HPSE2: variants seen among roughly 807,000 people sequenced by gnomAD.
HPSE2 encodes the protein inactive heparanase-2.
A neutral mutation model predicts 60.5 loss-of-function variants in HPSE2; 38 were observed. The observed-to-expected ratio is 0.63, with a 90% CI of 0.48 to 0.82. HPSE2 has a LOEUF of 0.82. Among genes scored for constraint, HPSE2 ranks in the 40% least tolerant of loss-of-function variants. The pLI is 0.00. For synonymous variants in HPSE2, 295 were observed against 293.2 expected (o/e 1.01, Z -0.06); for missense variants, 713 against 740.4 (o/e 0.96, Z 0.43).
chr10:98,654,674 T>C (rs537322527), intron 6 of HPSE2, among the ~76,000 whole-genome samples: 2 of 152,378 alleles, frequency 1.3e-5, no homozygotes, highest in African/African-American at 4.8e-5. Context: ...CATAGTTAAA[T>C]TCTCCATCTA....
intron 4 of HPSE2, among the ~76,000 whole-genome samples, chr10:98,724,046 A>T (rs540366692): frequency 1.3e-5 from 2 of 151,974 alleles, no homozygotes; most frequent in Non-Finnish European, 2.9e-5. Flanking sequence ...AGTTCTTTTA[A>T]TTGGGATGTT....
At chr10:99,110,641 G>A (rs1365199127) in intron 3 of HPSE2, among the ~76,000 whole-genome samples, 3 of 151,878 alleles carry the variant, frequency 2.0e-5, no homozygotes, top group Admixed American at 6.6e-5. Flanking sequence ...AAATCCTAAC[G>A]ACAGAAGAAA....
chr10:98,538,399 G>T (rs1342585795), intron 9 of HPSE2, among the ~76,000 whole-genome samples: 2 of 152,048 alleles, frequency 1.3e-5, no homozygotes, highest in African/African-American at 2.4e-5. Flanking sequence ...CTGAAACTAG[G>T]TTTACCTAAT....
At chr10:99,077,324 C>A (rs1250159443) in intron 3 of HPSE2, among the ~76,000 whole-genome samples, 2 of 152,196 alleles carry the variant, frequency 1.3e-5, no homozygotes, top group East Asian at 3.8e-4. Flanking sequence ...CACCTCTTCT[C>A]CATCAGGAAC....
At chr10:98,532,074 C>T (rs1311375392) in intron 9 of HPSE2, among the ~76,000 whole-genome samples, 2 of 152,070 alleles carry the variant, frequency 1.3e-5, no homozygotes, top group Non-Finnish European at 2.9e-5. Context: ...AACTCTTTAT[C>T]TGGATTTCAA....
intron 3 of HPSE2, among the ~76,000 whole-genome samples, chr10:98,915,849 A>G (rs1954106646): frequency 6.6e-6 from 1 of 152,228 alleles, no homozygotes; most frequent in South Asian, 2.1e-4. Flanking sequence ...AATGAGATAC[A>G]ATAGAAGCTG....
chr10:99,189,627 T>C (rs182898516), intron 2 of HPSE2, among the ~76,000 whole-genome samples: 1 of 152,332 alleles, frequency 6.6e-6, no homozygotes, highest in East Asian at 1.9e-4. Context: ...AGTTCCAAAG[T>C]TGGTGTCCCG....
At chr10:98,865,645 C>T (rs1224320091) in intron 3 of HPSE2, among the ~76,000 whole-genome samples, 1 of 152,012 alleles carries the variant, frequency 6.6e-6, no homozygotes, top group African/African-American at 2.4e-5. Flanking sequence ...AGAAAGTTCT[C>T]AAATATGTAG....
At chr10:98,559,478 T>C (rs1336476634) in intron 9 of HPSE2, among the ~76,000 whole-genome samples, 1 of 152,200 alleles carries the variant, frequency 6.6e-6, no homozygotes, top group Non-Finnish European at 1.5e-5. Flanking sequence ...CCAGTCATCT[T>C]ACCCTGAAGG....
chr10:98,616,006 C>T (rs1945896883), intron 8 of HPSE2, among the ~76,000 whole-genome samples: 1 of 152,158 alleles, frequency 6.6e-6, no homozygotes, highest in South Asian at 2.1e-4. Flanking sequence ...TCTTGGCTAC[C>T]CAAATACACA....
intron 9 of HPSE2, among the ~76,000 whole-genome samples, chr10:98,614,254 C>G (rs1011617374): frequency 3.3e-5 from 5 of 151,880 alleles, no homozygotes; most frequent in African/African-American, 1.2e-4. Context: ...TTCAAACAGG[C>G]CACAAGTAGA....
intron 2 of HPSE2, among the ~76,000 whole-genome samples, chr10:99,166,589 A>G (rs548777167): frequency 1.3e-5 from 2 of 152,222 alleles, no homozygotes; most frequent in East Asian, 3.9e-4. Flanking sequence ...TTGTGGTTTT[A>G]ATTTCCATTT....
intron 3 of HPSE2, among the ~76,000 whole-genome samples, chr10:98,852,224 C>A (rs1952200202): frequency 6.8e-6 from 1 of 147,284 alleles, no homozygotes; most frequent in African/African-American, 2.5e-5. Context: ...GCCCTTATTA[C>A]AATGTTGGGG....
At chr10:98,708,522 T>C (rs1565098462) in intron 5 of HPSE2, among the ~76,000 whole-genome samples, 1 of 152,108 alleles carries the variant, frequency 6.6e-6, no homozygotes, top group Non-Finnish European at 1.5e-5. Flanking sequence ...TTTTTAACCG[T>C]AGTGGTATAT....
intron 9 of HPSE2, among the ~76,000 whole-genome samples, chr10:98,597,484 G>T (rs1031049716): frequency 6.7e-6 from 1 of 148,650 alleles, no homozygotes; most frequent in African/African-American, 2.5e-5. Context: ...TGTCAACATG[G>T]TGAAACCCTG....
Position 99,224,114 on chromosome 10 carries a change from C to G in HPSE2, c.448+8234G>C, listed in dbSNP as rs563717180. On this transcript the variant is annotated intron_variant, in intron 2 of 11. Coordinates refer to ENST00000370552, the MANE Select transcript of HPSE2 (RefSeq NM_021828.5). ...CTCTTGGTTGCCCCAATATCTAGCACTAAGTCTGGCTTATATACAACTGAT... is the reference window on the plus strand; with the variant it reads ...CTCTTGGTTGCCCCAATATCTAGCAGTAAGTCTGGCTTATATACAACTGAT... 2.6e-5 allele frequency among the ~76,000 whole-genome samples: 4 copies of G among 152,144 alleles called. No homozygotes were observed. The South Asian group carries it at 8.3e-4, about 32-fold the overall frequency.
At chr10:99,233,900 G>C (rs1849752145) in intron 1 of HPSE2, among the ~76,000 whole-genome samples, 1 of 152,192 alleles carries the variant, frequency 6.6e-6, no homozygotes. Context: ...CAGCCAATGC[G>C]AATGCGCCCC....
the HPSE2 span, among the ~76,000 whole-genome samples, chr10:99,255,572 ACACACAC>A: frequency 1.4e-5 from 1 of 73,722 alleles, no homozygotes; most frequent in South Asian, 3.8e-4. Flanking sequence ...ATACACACAC[ACACACAC>A]ACACACACAC....
At chr10:99,009,224 C>T (rs1309261250) in intron 3 of HPSE2, among the ~76,000 whole-genome samples, 1 of 93,398 alleles carries the variant, frequency 1.1e-5, no homozygotes, top group Non-Finnish European at 1.9e-5. Context: ...GGCAACATAA[C>T]AAGGCCCAGT....
Sources: gnomAD v4.1 joint callset for allele counts (sites outside exome capture counted in the v4.1 genomes callset) on GRCh38, gnomAD v4.1.1 for gene constraint, MANE v1.5 for transcripts, NCBI Gene and HGNC (gene_info 2026-07-23, HGNC 2026-07-21) for gene names.